PAK4: variants seen among roughly 807,000 people sequenced by gnomAD.
The protein encoded by PAK4 is p21 (RAC1) activated kinase 4, also known as serine/threonine-protein kinase PAK 4.
In PAK4, 49 loss-of-function variants were observed where a neutral mutation model predicts 53.5. The ratio of observed to expected loss-of-function variants is 0.92; its 90% CI spans 0.73 to 1.16. PAK4 has a LOEUF of 1.16. PAK4 is among the 50% of genes most tolerant of loss of function. PAK4 has a pLI of 0.00. For synonymous variants in PAK4, 376 were observed against 375.6 expected (o/e 1.00, Z -0.01); for missense variants, 824 against 850.7 (o/e 0.97, Z 0.39).
In PAK4 at chr19:39,167,050, C is replaced by T. The variant is rs140235478; in HGVS notation, c.-22-2482C>T. 3.2e-3 allele frequency among the ~76,000 whole-genome samples: 485 copies of T among 152,330 alleles called. 3 individuals carry two copies. Among genetic ancestry groups the T allele is most frequent in the Middle Eastern group, 0.017 (5 of 294 alleles). ...CAGGCGTCGGAGGACATCCCCCAGA[C>T]CCCATGCTGCCAGCTGGGCCAGCCG... On this transcript the variant is annotated intron_variant, in intron 1 of 8. Transcript: ENST00000358301.
chr19:39,178,710 G>C lies in PAK4; in HGVS notation c.*131G>C. 1 of 764,390 alleles carries C rather than the reference G, an allele frequency of 1.3e-6. No homozygotes were observed. Among genetic ancestry groups the C allele is most frequent in the Non-Finnish European group, 2.1e-6 (1 of 482,100 alleles). 47.4% of individuals were successfully genotyped at this position (764,390 alleles called of 1,614,324 possible). A position where few individuals can be genotyped will look rare whatever the true frequency, so the allele number is the denominator to read the frequency against. The stretch of plus-strand genomic sequence containing the variant: ...CCGCGTGGCACCACCCTCCTTGCTG[G>C]GGGTAGATGAGACCCTACTACTGAA... On this transcript the variant is annotated 3_prime_UTR_variant, in exon 9 of 9. Transcript: ENST00000358301. The surrounding 1 kb of genome is among the most constrained non-coding windows in gnomAD (Gnocchi z 4.4).
chr19:39,152,535 A>T (rs1382521954), intron 1 of PAK4: 1 of 152,234 alleles, frequency 6.6e-6, no homozygotes, highest in Non-Finnish European at 1.5e-5. Flanking sequence ...AAAGAAAAAA[A>T]ATTGTATGCT....
chr19:39,169,756 A>C (rs777383162), exon 2 of PAK4: 1 of 1,595,234 alleles, frequency 6.3e-7, no homozygotes, highest in Non-Finnish European at 8.5e-7. Context: ...GGGGCCCCCA[A>C]GGTATGTGGC....
At chr19:39,150,133 G>T (rs1006090100) in intron 1 of PAK4, among the ~76,000 whole-genome samples, 3 of 152,022 alleles carry the variant, frequency 2.0e-5, no homozygotes, top group African/African-American at 4.8e-5. Flanking sequence ...AACCAGCTAG[G>T]TATGTTGGTG....
Position 39,159,337 on chromosome 19 carries a change from C to G in PAK4, c.-22-10195C>G, listed in dbSNP as rs183151900. On this transcript the variant is annotated intron_variant, in intron 1 of 8. Coordinates refer to ENST00000358301, the Ensembl canonical transcript of PAK4. ...ACATACTAATTAAGGACTATAAGGA[C>G]AAAGGTAAAATTACAGCTGTGACAG... Among the ~76,000 whole-genome samples the G allele has an allele frequency of 4.5e-3, 678 of 152,256 alleles. 7 individuals are homozygous for G. The highest frequency in any genetic ancestry group is 0.016 in the African/African-American group (648 of 41,544).
chr19:39,169,250 G>C (rs534801), intron 1 of PAK4, among the ~76,000 whole-genome samples: 24 of 151,934 alleles, frequency 1.6e-4, no homozygotes, highest in South Asian at 2.1e-4. Context: ...AGGTCTCCAG[G>C]GGGGGTGAGA....
rs113979003 is a variant in PAK4, at chr19:39,175,715, C to T, written c.1359+277C>T. On this transcript the variant is annotated intron_variant, in intron 6 of 8. Transcript: ENST00000358301. The surrounding 1 kb of genome is among the most constrained non-coding windows in gnomAD (Gnocchi z 4.7). ...GGATCTGGGCAGACAGCGCAGCCCC[C>T]GCCACAGGCTTCTTCCTCCACTGAA... 6.9e-3 allele frequency among the ~76,000 whole-genome samples: 1,054 copies of T among 152,284 alleles called. 8 individuals carry two copies. Among genetic ancestry groups the T allele is most frequent in the African/African-American group, 0.024 (1,012 of 41,550 alleles).
At chr19:39,127,910 A>G (rs528311037) in intron 1 of PAK4, among the ~76,000 whole-genome samples, 1 of 152,328 alleles carries the variant, frequency 6.6e-6, no homozygotes, top group Admixed American at 6.5e-5. Context: ...ACTGGAGGTC[A>G]GGACTCGGGT....
chr19:39,129,786 G>C (rs150164988), intron 1 of PAK4, among the ~76,000 whole-genome samples: 318 of 152,312 alleles, frequency 2.1e-3, no homozygotes, highest in Non-Finnish European at 3.5e-3. Flanking sequence ...GGTGACTGCA[G>C]CTTTGCCCCA....
Position 39,160,649 on chromosome 19 carries a change from G to A in PAK4, c.-22-8883G>A, listed in dbSNP as rs73933810. ...CAAGACATACACGGAGGCAGCCAGCGCGGCTGGAGAGAAGCGAGGGGAGGA... is the reference window on the plus strand; with the variant it reads ...CAAGACATACACGGAGGCAGCCAGCACGGCTGGAGAGAAGCGAGGGGAGGA... On this transcript the variant is annotated intron_variant, in intron 1 of 8. Coordinates refer to ENST00000358301, the Ensembl canonical transcript of PAK4. Among the ~76,000 whole-genome samples the A allele has an allele frequency of 8.1e-3, 1,239 of 152,318 alleles. 25 individuals are homozygous for A. The highest frequency in any genetic ancestry group is 0.028 in the African/African-American group (1,166 of 41,560).
intron 1 of PAK4, among the ~76,000 whole-genome samples, chr19:39,153,608 A>G (rs1438975424): frequency 3.3e-5 from 5 of 152,088 alleles, no homozygotes; most frequent in Admixed American, 3.3e-4. Context: ...CGCCACGCCA[A>G]TTTTTATATT....
rs543780674 is a variant in PAK4 at position 39,156,393 on chromosome 19, G to T, written c.-22-13139G>T. On this transcript the variant is annotated intron_variant, in intron 1 of 8. Transcript: ENST00000358301. Reference sequence around the variant, plus strand: ...AACCTGGCTGCCCCTTAGCCGCCTGGCCAGCCGCTTGCAGGTACTCAGCCT... The same window carrying T: ...AACCTGGCTGCCCCTTAGCCGCCTGTCCAGCCGCTTGCAGGTACTCAGCCT... Among the ~76,000 whole-genome samples the T allele has an allele frequency of 3.0e-4, 45 of 152,206 alleles. No homozygotes were observed. The South Asian group carries it at 8.5e-3, about 29-fold the overall frequency.
chr19:39,134,039 C>A (rs915589320), intron 1 of PAK4, among the ~76,000 whole-genome samples: 1 of 152,180 alleles, frequency 6.6e-6, no homozygotes, highest in African/African-American at 2.4e-5. Context: ...GGCCCCTGTC[C>A]TTCTCTCCCG....
intron 1 of PAK4, among the ~76,000 whole-genome samples, chr19:39,143,586 C>CTT (rs2073946615): frequency 3.7e-5 from 2 of 53,740 alleles, no homozygotes; most frequent in South Asian, 2.0e-3. Flanking sequence ...GAGCAAGACT[C>CTT]TGTCTCAAAA....
Position 39,161,780 on chromosome 19 carries a change from GCCT to G in PAK4, c.-22-7747_-22-7745del, listed in dbSNP as rs888847409. Reference sequence around the variant, plus strand: ...TCGCCCACCCTGCTCCAGCCACGTGGCCTCCTCGCTGTCCCTTGACCATATCAA... The same window carrying G: ...TCGCCCACCCTGCTCCAGCCACGTGGCCTCGCTGTCCCTTGACCATATCAA... On this transcript the variant is annotated intron_variant, in intron 1 of 8. Transcript: ENST00000358301. The surrounding 1 kb of genome is among the most constrained non-coding windows in gnomAD (Gnocchi z 4.5). 3.3e-5 allele frequency among the ~76,000 whole-genome samples: 5 copies of G among 151,860 alleles called. No homozygotes were observed. Among genetic ancestry groups the G allele is most frequent in the Admixed American group, 3.3e-4 (5 of 15,232 alleles).
chr19:39,166,298 G>A (rs567419229), intron 1 of PAK4, among the ~76,000 whole-genome samples: 14 of 152,192 alleles, frequency 9.2e-5, no homozygotes, highest in Non-Finnish European at 1.8e-4. Flanking sequence ...ACAAAAATTA[G>A]CTGGGCGTGG....
intron 4 of PAK4, 85 bp from the exon 6 acceptor site, chr19:39,174,846 G>T: frequency 6.5e-7 from 1 of 1,528,006 alleles, no homozygotes; most frequent in Non-Finnish European, 9.0e-7. Flanking sequence ...TGGAACTGCA[G>T]GGGGAGCCAG....
chr19:39,159,876 G>A (rs768503144), intron 1 of PAK4, among the ~76,000 whole-genome samples: 5 of 152,358 alleles, frequency 3.3e-5, no homozygotes, highest in African/African-American at 4.8e-5. Context: ...GCTGAATCCA[G>A]GCCCCACTTC....
intron 1 of PAK4, among the ~76,000 whole-genome samples, chr19:39,166,747 C>T (rs1468732854): frequency 6.6e-6 from 1 of 152,218 alleles, no homozygotes; most frequent in Non-Finnish European, 1.5e-5. Context: ...CCTAGCTCTT[C>T]TCCCTCTTCC....
Sources: allele counts gnomAD v4.1 joint callset (sites outside exome capture counted in the v4.1 genomes callset), GRCh38; gene constraint gnomAD v4.1.1; non-coding constraint Gnocchi (gnomAD v3.1); transcripts MANE v1.5; gene names NCBI Gene and HGNC (gene_info 2026-07-23, HGNC 2026-07-21).